MAP3K19: variants seen among roughly 807,000 people sequenced by gnomAD.
MAP3K19 encodes the protein mitogen-activated protein kinase kinase kinase 19, also known as SPS1/STE20-related protein kinase YSK4.
A neutral mutation model predicts 114.4 loss-of-function variants in MAP3K19; 91 were observed. The ratio of observed to expected loss-of-function variants is 0.80; its 90% CI spans 0.67 to 0.95. The LOEUF is 0.95. Ranked by LOEUF, MAP3K19 falls within the 40% of genes least tolerant of loss-of-function variation. The probability of loss-of-function intolerance (pLI) is 0.00; values close to 1 mark genes in which losing one functional copy is unlikely to be tolerated. For missense variants in MAP3K19, 1,471 were observed against 1,573.2 expected (o/e 0.94, Z 1.10); for synonymous variants, 518 against 530.5 (o/e 0.98, Z 0.32).
At chr2:135,042,515 A>G (rs57180797) in intron 1 of MAP3K19, among the ~76,000 whole-genome samples, 38,560 of 147,774 alleles carry the variant, frequency 0.26, 6,783 homozygotes, top group African/African-American at 0.47. Flanking sequence ...AAAAAAAAAA[A>G]AAAAGAAAAA....
intron 8 of MAP3K19, among the ~76,000 whole-genome samples, chr2:134,995,982 C>T (rs1000202540): frequency 6.6e-6 from 1 of 152,050 alleles, no homozygotes; most frequent in Non-Finnish European, 1.5e-5. Flanking sequence ...GTCTGTCACC[C>T]AGGCTGGAGT....
chr2:135,008,423 T>C (rs537661836), intron 5 of MAP3K19, among the ~76,000 whole-genome samples: 12 of 152,078 alleles, frequency 7.9e-5, no homozygotes, highest in Non-Finnish European at 1.2e-4. Context: ...GCTCAGCCAA[T>C]AGTACTTCTT....
chr2:135,037,488 A>G lies in MAP3K19; in HGVS notation c.-284+2875T>C, dbSNP rs529803629. Among the ~76,000 whole-genome samples the G allele has an allele frequency of 2.2e-3, 340 of 152,314 alleles. 1 individual carries two copies. Among genetic ancestry groups the G allele is most frequent in the African/African-American group, 8.0e-3 (333 of 41,572 alleles). On this transcript the variant is annotated intron_variant, in intron 2 of 12. Transcript: ENST00000392915. The stretch of plus-strand genomic sequence containing the variant: ...GTCCCAGACTCTGTTGGTGAGATTA[A>G]TCAGAGTGGCCAAGAGAGTGATGAA...
At chr2:135,014,975 T>C (rs1687484645) in intron 5 of MAP3K19, among the ~76,000 whole-genome samples, 1 of 152,252 alleles carries the variant, frequency 6.6e-6, no homozygotes, top group Non-Finnish European at 1.5e-5. Flanking sequence ...ATTTTCCATT[T>C]GGGGGCTATT....
chr2:134,994,447 T>C (rs532801356), intron 8 of MAP3K19, among the ~76,000 whole-genome samples: 1 of 152,312 alleles, frequency 6.6e-6, no homozygotes, highest in African/African-American at 2.4e-5. Context: ...TCTCCTTTCC[T>C]GGCAGTTGGC....
In MAP3K19 at chr2:134,964,753, T is replaced by G. The variant is rs878997673; in HGVS notation, c.*97A>C. The G allele has an allele frequency of 3.0e-6, 3 of 1,013,624 alleles. No individual in the cohort carries two copies. The highest frequency in any genetic ancestry group is 3.0e-5 in the South Asian group (2 of 66,898). 62.8% of individuals were successfully genotyped at this position (1,013,624 alleles called of 1,614,324 possible). ...TCTGCTTAAACTGGGTTAGACTGAA[T>G]TTTCAGTGGGGAAACAAAGATCCCT... On this transcript the variant is annotated 3_prime_UTR_variant, in exon 13 of 13. Transcript: ENST00000392915.
Position 134,964,793 on chromosome 2 carries a change from C to A in MAP3K19, c.*57G>T. ...CAAAGATCCCTTAGCCATCATTCCCCACAATTAAGCAAGGGAGCATCTGCA... is the reference window on the plus strand; with the variant it reads ...CAAAGATCCCTTAGCCATCATTCCCAACAATTAAGCAAGGGAGCATCTGCA... On this transcript the variant is annotated 3_prime_UTR_variant, in exon 13 of 13. Coordinates refer to ENST00000392915, the MANE Select transcript of MAP3K19 (RefSeq NM_025052.5). The A allele has an allele frequency of 7.2e-7, 1 of 1,387,512 alleles. No individual in the cohort carries two copies. The highest frequency in any genetic ancestry group is 1.2e-5 in the South Asian group (1 of 83,124). 86.0% of individuals were successfully genotyped at this position (1,387,512 alleles called of 1,614,324 possible).
At chr2:134,977,852 T>G (rs556194832) in intron 12 of MAP3K19, among the ~76,000 whole-genome samples, 89 of 152,242 alleles carry the variant, frequency 5.8e-4, no homozygotes, top group African/African-American at 1.6e-3. Context: ...GCTCGGTGAC[T>G]TCCCCCCTGT....
At chr2:134,992,631 G>A (rs1006134776) in intron 8 of MAP3K19, among the ~76,000 whole-genome samples, 1 of 152,062 alleles carries the variant, frequency 6.6e-6, no homozygotes, top group African/African-American at 2.4e-5. Flanking sequence ...CAGATAGATA[G>A]TCCAGCCCTG....
intron 6 of MAP3K19, among the ~76,000 whole-genome samples, chr2:135,003,138 C>T (rs1686570516): frequency 6.6e-6 from 1 of 152,274 alleles, no homozygotes; most frequent in African/African-American, 2.4e-5. Flanking sequence ...CATCTGCAAC[C>T]AGGAAGAGAG....
chr2:135,000,106 C>G, intron 6 of MAP3K19, 91 bp from the exon 7 acceptor site: 1 of 835,200 alleles, frequency 1.2e-6, no homozygotes. Context: ...TGGCTAATCT[C>G]TTCTTAATGA....
chr2:135,003,628 C>T (rs956714638), intron 6 of MAP3K19, among the ~76,000 whole-genome samples: 1 of 152,186 alleles, frequency 6.6e-6, no homozygotes, highest in African/African-American at 2.4e-5. Context: ...AATCTCAGCT[C>T]ACTGCAACCT....
Position 135,008,162 on chromosome 2 carries a change from G to A in MAP3K19, c.139-2631C>T, listed in dbSNP as rs368643316. On this transcript the variant is annotated intron_variant, in intron 5 of 12. Transcript: ENST00000392915. Reference sequence around the variant, plus strand: ...TTTTGAGATGGAGTCTTGCTCTGTCGCCCAGGCTGGAGTGCAGTGGTGCGA... The same window carrying A: ...TTTTGAGATGGAGTCTTGCTCTGTCACCCAGGCTGGAGTGCAGTGGTGCGA... Among the ~76,000 whole-genome samples the A allele has an allele frequency of 2.7e-4, 41 of 150,778 alleles. No homozygotes were observed. In the East Asian group the frequency reaches 6.2e-3, roughly 23 times the overall value.
chr2:135,007,266 A>G (rs1167854904), intron 5 of MAP3K19, among the ~76,000 whole-genome samples: 1 of 152,164 alleles, frequency 6.6e-6, no homozygotes, highest in Non-Finnish European at 1.5e-5. Context: ...ACTTTTATTC[A>G]GCAGTTTATA....
chr2:135,013,649 G>C (rs1374461838), intron 5 of MAP3K19, among the ~76,000 whole-genome samples: 1 of 151,904 alleles, frequency 6.6e-6, no homozygotes, highest in East Asian at 1.9e-4. Flanking sequence ...ACTTTCTTAT[G>C]TCCTTTTATT....
chr2:134,993,050 A>AT (rs1480548961), intron 8 of MAP3K19, among the ~76,000 whole-genome samples: 1 of 151,724 alleles, frequency 6.6e-6, no homozygotes, highest in Non-Finnish European at 1.5e-5. Context: ...TATATTTTTA[A>AT]TTTTTTGTAT....
chr2:135,031,855 C>T lies in MAP3K19; in HGVS notation c.-283-1355G>A, dbSNP rs1397837517. Among the ~76,000 whole-genome samples, 7 of 152,112 alleles carry T rather than the reference C, an allele frequency of 4.6e-5. No individual in the cohort carries two copies. The East Asian group carries it at 1.3e-3, about 29-fold the overall frequency. ...CTGAGCCAGAAATCAGGGATAATTC[C>T]AAGATACTGTCTTCAGTGTACTTTT... On this transcript the variant is annotated intron_variant, in intron 2 of 12. Transcript: ENST00000392915.
At chr2:134,974,962 TA>T (rs1684123417) in intron 12 of MAP3K19, among the ~76,000 whole-genome samples, 2 of 152,224 alleles carry the variant, frequency 1.3e-5, no homozygotes, top group Admixed American at 1.3e-4. Flanking sequence ...TCTTCAGCTG[TA>T]AACAGCGCCA....
At chr2:134,977,023 G>T (rs1167294487) in intron 12 of MAP3K19, among the ~76,000 whole-genome samples, 1 of 144,558 alleles carries the variant, frequency 6.9e-6, no homozygotes, top group Non-Finnish European at 1.5e-5. Context: ...TCCAGCCTGG[G>T]TAACAAAGCA....
Sources: allele counts gnomAD v4.1 joint callset (sites outside exome capture counted in the v4.1 genomes callset), GRCh38; gene constraint gnomAD v4.1.1; transcripts MANE v1.5; gene names NCBI Gene and HGNC (gene_info 2026-07-23, HGNC 2026-07-21).